EMID1: variants seen among roughly 807,000 people sequenced by gnomAD.
EMID1 encodes the protein EMI domain containing 1.
EMID1 carries 40 observed loss-of-function variants against 60.6 expected under a neutral mutation model. The observed-to-expected ratio is 0.66, with a 90% CI of 0.51 to 0.86. The LOEUF is 0.86. Among genes scored for constraint, EMID1 ranks in the 40% least tolerant of loss-of-function variants. The pLI is 0.00. For synonymous variants in EMID1, 242 were observed against 231.0 expected (o/e 1.05, Z -0.43); for missense variants, 585 against 597.1 (o/e 0.98, Z 0.21).
chr22:29,243,514 T>C, intron 13 of EMID1, 25 bp downstream of exon 13: 1 of 1,613,620 alleles, frequency 6.2e-7, no homozygotes, highest in Non-Finnish European at 8.5e-7. Context: ...GGCACTGGCC[T>C]CTCCCTGCCT....
At chr22:29,243,515 CT>C in intron 13 of EMID1, 26 bp downstream of exon 13, 1 of 1,613,710 alleles carries the variant, frequency 6.2e-7, no homozygotes, top group Admixed American at 1.7e-5. Flanking sequence ...GCACTGGCCT[CT>C]CCCTGCCTTC....
At chr22:29,242,441 C>CT (rs768735915) in intron 12 of EMID1, among the ~76,000 whole-genome samples, 2 of 152,136 alleles carry the variant, frequency 1.3e-5, no homozygotes, top group Non-Finnish European at 2.9e-5. Context: ...TCAGTAGATT[C>CT]TTTAACATAT....
chr22:29,216,267 G>A, intron 3 of EMID1: 2 of 981,472 alleles, frequency 2.0e-6, no homozygotes, highest in Non-Finnish European at 2.4e-6. Context: ...AGGCAGCCTG[G>A]GCCTCCCAGG....
At chr22:29,254,476 A>T in intron 14 of EMID1, 189 bp downstream of exon 14, 1 of 591,838 alleles carries the variant, frequency 1.7e-6, no homozygotes, top group Non-Finnish European at 3.0e-6. Context: ...CCACGGGTGC[A>T]GGGGTGCCCT....
chr22:29,215,781 T>G, intron 3 of EMID1, 151 bp downstream of exon 3: 1 of 666,262 alleles, frequency 1.5e-6, no homozygotes, highest in Non-Finnish European at 2.6e-6. Context: ...ACACAGTCAG[T>G]GCTTGTTGTC....
Position 29,259,124 on chromosome 22 carries a change from C to A in EMID1, c.*180C>A. On this transcript the variant is annotated 3_prime_UTR_variant, in exon 15 of 15. Transcript: ENST00000334018. ...CACCATGCACATGTCTGAGGCTGAG[C>A]AAGGGCTGAGAGGAGAGGCTTGGGC... 4 of 980,482 alleles carry A rather than the reference C, an allele frequency of 4.1e-6. No individual in the cohort carries two copies. Among genetic ancestry groups the A allele is most frequent in the African/African-American group, 1.7e-5 (1 of 59,320 alleles). The allele number at this position is 980,482 out of a possible 1,614,324, so 60.7% of individuals were successfully genotyped here.
In EMID1 at chr22:29,254,246, C is replaced by A. The variant is rs2146463040; in HGVS notation, c.1163C>A (p.Ala388Asp). 1 of 1,614,182 alleles carries A rather than the reference C, an allele frequency of 6.2e-7. No individual in the cohort carries two copies. The highest frequency in any genetic ancestry group is 1.7e-4 in the Middle Eastern group (1 of 6,060). ...HQLREALKIL[A>D]ERVLILETMI... ...CTACGCGAGGCTTTGAAGATTTTAG[C>A]TGAGAGGGTTTTAATCTTGGAAACA... Residue 388 changes from alanine to aspartate, a missense_variant, in exon 14 of 15, where the codon GCT (alanine) becomes GAT (aspartate). Physicochemically the swap from Ala to Asp is moderately radical, Grantham distance 126. Transcript: ENST00000334018.
In EMID1 at chr22:29,258,935, G is replaced by A; in HGVS notation, c.1323G>A (p.Glu441=). The A allele has an allele frequency of 1.2e-6, 2 of 1,612,554 alleles. No individual in the cohort carries two copies. Among genetic ancestry groups the A allele is most frequent in the Non-Finnish European group, 1.7e-6 (2 of 1,179,336 alleles). Residue 441 remains glutamate, a synonymous_variant, in exon 15 of 15, where the codon GAG becomes GAA. Coordinates refer to ENST00000334018, the MANE Select transcript of EMID1 (RefSeq NM_133455.4). ...YRIVAPRSRD[E]RG ...TCGTGGCCCCCAGGAGCCGGGACGA[G>A]AGAGGCTGAGGGTGGTGGCGGCCCC...
chr22:29,243,489 G>T lies in EMID1; in HGVS notation c.1119G>T (p.Trp373Cys). 6.2e-7 allele frequency: 1 copy of T among 1,614,130 alleles called. No individual in the cohort carries two copies. Among genetic ancestry groups the T allele is most frequent in the Non-Finnish European group, 8.5e-7 (1 of 1,180,020 alleles). The change falls in exon 13 of 15, where the codon TGG (tryptophan) becomes TGT (cysteine). Residue 373 changes from tryptophan to cysteine, a missense_variant and splice_region_variant. Physicochemically the swap from Trp to Cys is radical, Grantham distance 215. Transcript: ENST00000334018. ...GAGACCCTGGTGAGAAGAGCCACTG[G>T]GTAAGCTCTGGCCTGGCACTGGCCT... ...PKGDPGEKSH[W>C]GEGLHQLREA...
chr22:29,226,879 G>A (rs1437748983), intron 5 of EMID1, among the ~76,000 whole-genome samples: 3 of 152,058 alleles, frequency 2.0e-5, no homozygotes, highest in Non-Finnish European at 2.9e-5. Context: ...CCTCCAGGAG[G>A]CCTGTGAGCT....
At chr22:29,244,591 A>T (rs1389894646) in intron 13 of EMID1, among the ~76,000 whole-genome samples, 2 of 151,366 alleles carry the variant, frequency 1.3e-5, no homozygotes, top group Non-Finnish European at 2.9e-5. Context: ...GTGAGCAGAG[A>T]TCGCGCCACT....
At chr22:29,250,856 A>G in intron 13 of EMID1, among the ~76,000 whole-genome samples, 1 of 145,380 alleles carries the variant, frequency 6.9e-6, no homozygotes. Flanking sequence ...AGGCCTCCCA[A>G]AGTGCTGGGA....
chr22:29,232,206 G>A, intron 7 of EMID1, 50 bp from the exon 8 acceptor site: 1 of 1,610,102 alleles, frequency 6.2e-7, no homozygotes, highest in African/African-American at 1.3e-5. Context: ...AGGCCACCCT[G>A]GGCCTCCTTG....
chr22:29,233,254 G>A, intron 8 of EMID1, 125 bp from the exon 9 acceptor site: 1 of 950,182 alleles, frequency 1.1e-6, no homozygotes, highest in Admixed American at 1.9e-5. Context: ...AGGTGCCCAG[G>A]TGGTACCAGC....
At chr22:29,219,196 G>C (rs991999777) in intron 3 of EMID1, among the ~76,000 whole-genome samples, 2 of 152,166 alleles carry the variant, frequency 1.3e-5, no homozygotes, top group African/African-American at 4.8e-5. Context: ...CCCTGCAGCA[G>C]TGCTGGCTGA....
intron 3 of EMID1, among the ~76,000 whole-genome samples, chr22:29,222,513 C>T (rs550468396): frequency 6.6e-6 from 1 of 151,588 alleles, no homozygotes; most frequent in Non-Finnish European, 1.5e-5. Flanking sequence ...AAGCGATTCT[C>T]CTGCCTCAGC....
chr22:29,250,195 A>G (rs1402650156), intron 13 of EMID1, among the ~76,000 whole-genome samples: 1 of 152,210 alleles, frequency 6.6e-6, no homozygotes, highest in Non-Finnish European at 1.5e-5. Flanking sequence ...AGTCAAGGCT[A>G]CAGTGAGCCA....
Position 29,234,082 on chromosome 22 carries a change from C to A in EMID1, c.967-55C>A. On this transcript the variant is annotated intron_variant, in intron 10 of 14. Transcript: ENST00000334018. ...TCCCCAACACCTCTGTTCCCAAGCC[C>A]CTGCCCACTCCATCCTGCCCCAACA... The A allele has an allele frequency of 4.5e-6, 7 of 1,549,276 alleles. No homozygotes were observed. In the South Asian group the frequency reaches 8.4e-5, roughly 18 times the overall value.
chr22:29,227,182 C>CT (rs1198109049), intron 5 of EMID1, among the ~76,000 whole-genome samples: 4 of 152,174 alleles, frequency 2.6e-5, no homozygotes. Context: ...CCTATGCCTC[C>CT]TGGGCTCAAA....
Sources: gnomAD v4.1 joint callset for allele counts (sites outside exome capture counted in the v4.1 genomes callset) on GRCh38, gnomAD v4.1.1 for gene constraint, MANE v1.5 for transcripts, NCBI Gene and HGNC (gene_info 2026-07-23, HGNC 2026-07-21) for gene names.